The following BACH1 variants were observed in gnomAD, a reference collection of about 807,000 sequenced individuals.
The protein encoded by BACH1 is transcription regulator protein BACH1.
Under a neutral mutation model 52.9 loss-of-function variants are expected in BACH1, and 35 were observed. The ratio of observed to expected loss-of-function variants is 0.66; its 90% CI spans 0.51 to 0.88. The LOEUF is 0.88. BACH1 is among the 40% of genes least tolerant of loss of function. The pLI, the probability that BACH1 is intolerant of heterozygous loss-of-function variation, is 0.00. For synonymous variants in BACH1, 321 were observed against 319.6 expected (o/e 1.00, Z -0.05); for missense variants, 808 against 872.6 (o/e 0.93, Z 0.93).
At chr21:29,308,990 G>T (rs1206795293) in intron 1 of BACH1, among the ~76,000 whole-genome samples, 2 of 152,180 alleles carry the variant, frequency 1.3e-5, no homozygotes. Flanking sequence ...GGGTGTGGTG[G>T]CTCATGCCTG....
At chr21:29,353,385 C>T (rs1246597518) in intron 2 of BACH1, among the ~76,000 whole-genome samples, 3 of 138,614 alleles carry the variant, frequency 2.2e-5, no homozygotes, top group South Asian at 4.2e-4. Flanking sequence ...AAGCTTTCAT[C>T]GTCTTGTATA....
intron 2 of BACH1, among the ~76,000 whole-genome samples, chr21:29,324,231 CAAAA>C (rs35915821): frequency 6.3e-5 from 4 of 63,160 alleles, no homozygotes; most frequent in South Asian, 5.6e-4. Flanking sequence ...GACTCTGCCT[CAAAA>C]AAAAAAAAAA....
intron 4 of BACH1, among the ~76,000 whole-genome samples, chr21:29,333,954 A>T (rs2089014336): frequency 6.6e-6 from 1 of 152,190 alleles, no homozygotes; most frequent in Non-Finnish European, 1.5e-5. Context: ...TGGTGGAAAA[A>T]TGGATGGTAT....
chr21:29,346,267 A>G (rs147433275), downstream of BACH1: 3 of 108,054 alleles, frequency 2.8e-5, no homozygotes, highest in African/African-American at 4.3e-5. Flanking sequence ...AGTTGATGAT[A>G]ATCATGCCTC....
intron 4 of BACH1, 40 bp downstream of exon 4, chr21:29,329,733 ACTTT>A: frequency 7.3e-7 from 1 of 1,369,146 alleles, no homozygotes; most frequent in Non-Finnish European, 9.7e-7. Context: ...AAATTCCACC[ACTTT>A]CTTTTTTGTC....
At chr21:29,319,517 G>C (rs1193806278) in intron 1 of BACH1, among the ~76,000 whole-genome samples, 1 of 151,730 alleles carries the variant, frequency 6.6e-6, no homozygotes, top group African/African-American at 2.4e-5. Context: ...ATAGAGAACA[G>C]GAGACAGGGA....
At position 29,353,137 on chromosome 21, in the gene BACH1, G is replaced by A. The variant is rs575925033; in HGVS notation, c.472+23444G>A. ...GTTGGAATTACAGGCAAGAGCCACC[G>A]TGCCTGGCCGGTTACAGTTTTCTAA... is the stretch of plus-strand genomic sequence containing the variant. On this transcript the variant is annotated intron_variant, in intron 2 of 4. Transcript: ENST00000422809. 1.8e-4 allele frequency among the ~76,000 whole-genome samples: 28 copies of A among 152,302 alleles called. No individual in the cohort carries two copies. In the South Asian group the frequency reaches 5.8e-3, roughly 32 times the overall value.
intron 2 of BACH1, among the ~76,000 whole-genome samples, chr21:29,356,552 G>A (rs1040792027): frequency 2.0e-5 from 3 of 152,198 alleles, no homozygotes; most frequent in Non-Finnish European, 2.9e-5. Context: ...AGGAGGAACC[G>A]TATATTATCC....
At chr21:29,329,452 C>T (rs748254887) in intron 3 of BACH1, 35 bp from the exon 4 acceptor site, 22 of 1,425,336 alleles carry the variant, frequency 1.5e-5, no homozygotes, top group Non-Finnish European at 2.0e-5. Context: ...TTATAAAATA[C>T]AGCAATAATT....
intron 1 of BACH1, among the ~76,000 whole-genome samples, chr21:29,305,851 A>G: frequency 6.6e-6 from 1 of 152,242 alleles, no homozygotes; most frequent in East Asian, 1.9e-4. Flanking sequence ...CATTTAACTT[A>G]TGAAACAAAT....
At chr21:29,328,340 A>G (rs1205371756) in intron 3 of BACH1, among the ~76,000 whole-genome samples, 2 of 152,204 alleles carry the variant, frequency 1.3e-5, no homozygotes, top group Admixed American at 1.3e-4. Flanking sequence ...ATTACTTATA[A>G]GTCCAATAAT....
At chr21:29,358,613 G>T (rs866401702) in intron 2 of BACH1, among the ~76,000 whole-genome samples, 1 of 151,982 alleles carries the variant, frequency 6.6e-6, no homozygotes, top group Non-Finnish European at 1.5e-5. Flanking sequence ...GGTGGAGGGC[G>T]CCTGTAATCC....
At chr21:29,330,671 A>G in intron 4 of BACH1, among the ~76,000 whole-genome samples, 1 of 152,226 alleles carries the variant, frequency 6.6e-6, no homozygotes, top group African/African-American at 2.4e-5. Flanking sequence ...CATTGCTTGA[A>G]TATTCAATTT....
chr21:29,331,328 T>A (rs1163844952), intron 4 of BACH1, among the ~76,000 whole-genome samples: 2 of 152,224 alleles, frequency 1.3e-5, no homozygotes, highest in African/African-American at 2.4e-5. Flanking sequence ...TAATTTATAG[T>A]AGTTCATAGA....
rs376616533 is a variant in BACH1, at chr21:29,329,006, C to T, written c.1570-481C>T. Among the ~76,000 whole-genome samples, 62 of 152,240 alleles carry T rather than the reference C, an allele frequency of 4.1e-4. 1 individual carries two copies. The highest frequency in any genetic ancestry group is 1.5e-3 in the African/African-American group (62 of 41,546). ...ATGGCTATTGTGAATAATGCGGTAA[C>T]GAATATGGCGGGGAGTACAGACTGG... On this transcript the variant is annotated intron_variant, in intron 3 of 4. Transcript: ENST00000286800.
At chr21:29,309,138 A>G (rs981074351) in intron 1 of BACH1, among the ~76,000 whole-genome samples, 5 of 152,004 alleles carry the variant, frequency 3.3e-5, no homozygotes, top group African/African-American at 9.7e-5. Flanking sequence ...CTCGCCTGCA[A>G]TCCCAGCTAC....
rs1370289108 is a variant in BACH1 at position 29,345,290 on chromosome 21, G to A, written c.*2457G>A. 3.3e-5 allele frequency: 5 copies of A among 149,300 alleles called. No homozygotes were observed. The highest frequency in any genetic ancestry group is 3.5e-3 in the Middle Eastern group (1 of 286). The allele number at this position is 149,300 out of a possible 1,614,324, so 9.2% of individuals were successfully genotyped here. Reference sequence around the variant, plus strand: ...GTTTTTTCTAAGAAAATGTTTCAAGGCAATATTTTTTTTGAGGCTGCCGAA... The same window carrying A: ...GTTTTTTCTAAGAAAATGTTTCAAGACAATATTTTTTTTGAGGCTGCCGAA... On this transcript the variant is annotated 3_prime_UTR_variant, in exon 5 of 5. Coordinates refer to ENST00000286800, the MANE Select transcript of BACH1 (RefSeq NM_001186.4).
At position 29,345,516 on chromosome 21, in the gene BACH1, C is replaced by G. The variant is rs972545712; in HGVS notation, c.*2683C>G. ...ACATTACCTTATTTTTTTTCTTATT[C>G]AAATTCTGGAACTATAGCAAATAAT... On this transcript the variant is annotated 3_prime_UTR_variant, in exon 5 of 5. Transcript: ENST00000286800. 1 of 151,538 alleles carries G rather than the reference C, an allele frequency of 6.6e-6. No individual in the cohort carries two copies. Among genetic ancestry groups the G allele is most frequent in the Non-Finnish European group, 1.5e-5 (1 of 67,870 alleles). The allele number at this position is 151,538 out of a possible 1,614,324, so 9.4% of individuals were successfully genotyped here. A position where few individuals can be genotyped will look rare whatever the true frequency, so the allele number is the denominator to read the frequency against.
At chr21:29,300,219 G>T (rs2088587938) in intron 1 of BACH1, 1 of 152,182 alleles carries the variant, frequency 6.6e-6, no homozygotes, top group Non-Finnish European at 1.5e-5. Flanking sequence ...AGTGATTCTT[G>T]TATTGTTGTT....
Sources: gnomAD v4.1 joint callset for allele counts (sites outside exome capture counted in the v4.1 genomes callset) on GRCh38, gnomAD v4.1.1 for gene constraint, MANE v1.5 for transcripts, NCBI Gene and HGNC (gene_info 2026-07-23, HGNC 2026-07-21) for gene names.